MACROD2: variants seen among roughly 807,000 people sequenced by gnomAD.
MACROD2 encodes ADP-ribose glycohydrolase MACROD2.
Under a neutral mutation model 70.4 loss-of-function variants are expected in MACROD2, and 36 were observed. The ratio of observed to expected loss-of-function variants is 0.51; its 90% CI spans 0.39 to 0.68. The LOEUF (loss-of-function observed/expected upper bound fraction) is 0.68, where lower values mean the gene tolerates loss of function less well. Ranked by LOEUF, MACROD2 falls within the 30% of genes least tolerant of loss-of-function variation. MACROD2 has a pLI of 0.00. For synonymous variants in MACROD2, 172 were observed against 178.8 expected (o/e 0.96, Z 0.30); for missense variants, 496 against 538.4 (o/e 0.92, Z 0.78).
intron 3 of MACROD2, among the ~76,000 whole-genome samples, chr20:14,175,588 G>A (rs2081257050): frequency 6.6e-6 from 1 of 152,142 alleles, no homozygotes; most frequent in Non-Finnish European, 1.5e-5. Flanking sequence ...TTTGAAGTTA[G>A]GCATTCCTCT....
intron 5 of MACROD2, among the ~76,000 whole-genome samples, chr20:15,229,711 G>C (rs1158950596): frequency 1.3e-5 from 2 of 152,156 alleles, no homozygotes; most frequent in African/African-American, 4.8e-5. Context: ...CAATTCACTT[G>C]TTGGGGATTC....
At chr20:14,511,776 T>A (rs1290180060) in intron 4 of MACROD2, among the ~76,000 whole-genome samples, 7 of 151,862 alleles carry the variant, frequency 4.6e-5, no homozygotes, top group Admixed American at 4.6e-4. Flanking sequence ...AAAAAAGTTG[T>A]ATATCCTATT....
chr20:15,957,692 GA>G (rs1201031105), intron 12 of MACROD2, among the ~76,000 whole-genome samples: 1 of 152,204 alleles, frequency 6.6e-6, no homozygotes, highest in African/African-American at 2.4e-5. Flanking sequence ...CCCAAAGAAG[GA>G]AGTCTCCTCT....
chr20:14,332,085 T>C (rs1228220924), intron 3 of MACROD2, among the ~76,000 whole-genome samples: 1 of 152,146 alleles, frequency 6.6e-6, no homozygotes, highest in Admixed American at 6.6e-5. Context: ...TATTTAACTA[T>C]AAAACACTTA....
chr20:15,869,700 T>A (rs2064553340), intron 9 of MACROD2, among the ~76,000 whole-genome samples: 1 of 152,110 alleles, frequency 6.6e-6, no homozygotes, highest in Non-Finnish European at 1.5e-5. Context: ...TGTTTTGTGG[T>A]CTTAAATACA....
chr20:14,834,377 G>T (rs1189043204), intron 5 of MACROD2, among the ~76,000 whole-genome samples: 1 of 151,770 alleles, frequency 6.6e-6, no homozygotes, highest in African/African-American at 2.4e-5. Flanking sequence ...TGTAGGGAGG[G>T]CTAATTGGGC....
intron 5 of MACROD2, among the ~76,000 whole-genome samples, chr20:15,184,775 C>A (rs1267779203): frequency 6.6e-6 from 1 of 152,154 alleles, no homozygotes; most frequent in African/African-American, 2.4e-5. Flanking sequence ...CACAGGCCAG[C>A]TTAAAAACCT....
At chr20:14,690,544 T>A (rs971623169) in intron 5 of MACROD2, among the ~76,000 whole-genome samples, 6 of 152,200 alleles carry the variant, frequency 3.9e-5, no homozygotes, top group Non-Finnish European at 5.9e-5. Flanking sequence ...GAAATTCCTA[T>A]GAGGAGGTGA....
At chr20:15,326,488 A>G (rs1439642626) in intron 6 of MACROD2, among the ~76,000 whole-genome samples, 1 of 152,144 alleles carries the variant, frequency 6.6e-6, no homozygotes, top group Non-Finnish European at 1.5e-5. Flanking sequence ...AAATTTATTA[A>G]CAATTTATAC....
At chr20:15,674,369 G>A (rs2050025809) in intron 8 of MACROD2, among the ~76,000 whole-genome samples, 1 of 152,144 alleles carries the variant, frequency 6.6e-6, no homozygotes. Flanking sequence ...ATACAGAGGT[G>A]AGGGGAGGCA....
chr20:14,294,428 G>T (rs1205420120), intron 3 of MACROD2, among the ~76,000 whole-genome samples: 2 of 151,348 alleles, frequency 1.3e-5, no homozygotes, highest in Admixed American at 6.6e-5. Context: ...ATGAGGATAG[G>T]CTTGACTTGA....
chr20:14,189,595 G>A (rs1255416259), intron 3 of MACROD2, among the ~76,000 whole-genome samples: 3 of 152,162 alleles, frequency 2.0e-5, no homozygotes, highest in African/African-American at 7.2e-5. Flanking sequence ...AGAAATACTA[G>A]TGCATAATTT....
intron 3 of MACROD2, among the ~76,000 whole-genome samples, chr20:14,302,729 C>T (rs1264183511): frequency 6.6e-6 from 1 of 151,752 alleles, no homozygotes; most frequent in East Asian, 1.9e-4. Context: ...GATCTTGGCT[C>T]ACTGCAACCT....
chr20:15,528,724 G>GTTT (rs11475693), intron 8 of MACROD2, among the ~76,000 whole-genome samples: 4 of 142,968 alleles, frequency 2.8e-5, no homozygotes, highest in African/African-American at 1.0e-4. Context: ...CAGTTATGTG[G>GTTT]TTTTTTTTTT....
intron 15 of MACROD2, among the ~76,000 whole-genome samples, chr20:16,018,471 A>G (rs1210946966): frequency 6.6e-6 from 1 of 152,040 alleles, no homozygotes; most frequent in Admixed American, 6.6e-5. Context: ...TTTCTTCTCC[A>G]AACCCCTTTT....
chr20:15,772,229 A>C (rs910061657), intron 8 of MACROD2, among the ~76,000 whole-genome samples: 5 of 121,058 alleles, frequency 4.1e-5, no homozygotes, highest in African/African-American at 1.2e-4. Flanking sequence ...CTTTCCTAAA[A>C]ACTAAGGACT....
intron 5 of MACROD2, among the ~76,000 whole-genome samples, chr20:15,010,568 A>G (rs2075074917): frequency 6.6e-6 from 1 of 152,212 alleles, no homozygotes; most frequent in Admixed American, 6.5e-5. Flanking sequence ...TACTTGTGTC[A>G]ACACAAGATT....
At chr20:14,927,930 T>C (rs182333222) in intron 5 of MACROD2, among the ~76,000 whole-genome samples, 273 of 152,358 alleles carry the variant, frequency 1.8e-3, no homozygotes, top group Non-Finnish European at 3.1e-3. Context: ...TATTCAACAG[T>C]GCAGAATGCT....
intron 8 of MACROD2, among the ~76,000 whole-genome samples, chr20:15,549,798 G>A (rs1015746692): frequency 6.6e-6 from 1 of 151,936 alleles, no homozygotes; most frequent in African/African-American, 2.4e-5. Flanking sequence ...TTCAGTCAGG[G>A]AACATGTTAA....
Sources: allele counts gnomAD v4.1 joint callset (sites outside exome capture counted in the v4.1 genomes callset), GRCh38; gene constraint gnomAD v4.1.1; transcripts MANE v1.5; gene names NCBI Gene and HGNC (gene_info 2026-07-23, HGNC 2026-07-21).